The following MYT1L variants were observed in gnomAD, a reference collection of about 807,000 sequenced individuals.
The protein encoded by MYT1L is myelin transcription factor 1 like.
In MYT1L, 12 loss-of-function variants were observed where a neutral mutation model predicts 126.7. That is an observed-to-expected ratio of 0.09 (90% CI 0.06 to 0.15). The LOEUF is 0.15. MYT1L is among the 10% of genes least tolerant of loss of function. The probability of loss-of-function intolerance (pLI) is 1.00; values close to 1 mark genes in which losing one functional copy is unlikely to be tolerated. For synonymous variants in MYT1L, 541 were observed against 604.2 expected (o/e 0.90, Z 1.53); for missense variants, 979 against 1,585.2 (o/e 0.62, Z 6.49).
In MYT1L at chr2:2,006,822, C is replaced by T. The variant is rs1835887; in HGVS notation, c.-157-9475G>A. ...AAGTCCTGAGCTCAAATGATCCACC[C>T]CCTTCAGCCTCCCAAAGTGCTGGGA... On this transcript the variant is annotated intron_variant, in intron 4 of 24. Coordinates refer to ENST00000647738, the MANE Select transcript of MYT1L (RefSeq NM_001303052.2). Among the ~76,000 whole-genome samples the T allele has an allele frequency of 5.4e-3, 815 of 152,092 alleles. 4 individuals are homozygous for T. Among genetic ancestry groups the T allele is most frequent in the African/African-American group, 0.019 (773 of 41,478 alleles).
chr2:1,818,887 G>A (rs889401227), intron 21 of MYT1L, among the ~76,000 whole-genome samples: 4 of 152,190 alleles, frequency 2.6e-5, no homozygotes, highest in African/African-American at 4.8e-5. Flanking sequence ...AGAGGGAAGC[G>A]TTTCTAGAAC....
chr2:2,085,193 T>C (rs2076234834), intron 3 of MYT1L, among the ~76,000 whole-genome samples: 1 of 152,202 alleles, frequency 6.6e-6, no homozygotes, highest in Non-Finnish European at 1.5e-5. Flanking sequence ...ACTGGAGCTG[T>C]CTGCATGCCT....
chr2:2,068,198 A>T (rs981818687), intron 3 of MYT1L, among the ~76,000 whole-genome samples: 1 of 152,102 alleles, frequency 6.6e-6, no homozygotes, highest in South Asian at 2.1e-4. Flanking sequence ...CCCAGGGAGA[A>T]TGTGGGGATG....
At chr2:2,004,422 CTTTCCTGCATGCG>C in intron 4 of MYT1L, among the ~76,000 whole-genome samples, 1 of 149,798 alleles carries the variant, frequency 6.7e-6, no homozygotes, top group African/African-American at 2.5e-5. Flanking sequence ...TGCATGCGTT[CTTTCCTGCATGCG>C]TTCTTTCCTG....
chr2:2,328,728 A>G (rs2096266901), intron 1 of MYT1L, among the ~76,000 whole-genome samples: 1 of 152,220 alleles, frequency 6.6e-6, no homozygotes, highest in Admixed American at 6.5e-5. Context: ...TCCAGTTGAA[A>G]AGTAATAATG....
intron 2 of MYT1L, among the ~76,000 whole-genome samples, chr2:2,193,294 C>T (rs1432290274): frequency 6.6e-6 from 1 of 152,130 alleles, no homozygotes; most frequent in Non-Finnish European, 1.5e-5. Context: ...GATATAAAGT[C>T]AGTGTCTGGA....
chr2:1,839,108 G>T, intron 21 of MYT1L, 41 bp downstream of exon 21: 6 of 1,546,546 alleles, frequency 3.9e-6, no homozygotes, highest in Non-Finnish European at 5.3e-6. Flanking sequence ...GGCTCTCGGC[G>T]GCACCATCCC....
At chr2:2,278,817 GT>G in intron 2 of MYT1L, among the ~76,000 whole-genome samples, 1 of 152,292 alleles carries the variant, frequency 6.6e-6, no homozygotes. Flanking sequence ...TAGGACAGTG[GT>G]GAACTATGAA....
chr2:2,058,813 T>C (rs796772119), intron 3 of MYT1L, among the ~76,000 whole-genome samples: 1 of 152,324 alleles, frequency 6.6e-6, no homozygotes, highest in African/African-American at 2.4e-5. Context: ...TTCTCTTACT[T>C]CAGAGATGAG....
At chr2:2,148,114 C>T (rs2085171151) in intron 3 of MYT1L, among the ~76,000 whole-genome samples, 1 of 152,174 alleles carries the variant, frequency 6.6e-6, no homozygotes, top group Non-Finnish European at 1.5e-5. Flanking sequence ...GTTCCATTTC[C>T]CTGGTGCCCG....
chr2:1,958,236 C>T (rs1418681817), intron 8 of MYT1L, among the ~76,000 whole-genome samples: 2 of 151,546 alleles, frequency 1.3e-5, no homozygotes, highest in South Asian at 2.1e-4. Flanking sequence ...GGAACCCAGA[C>T]AGCTGGAGGA....
chr2:1,887,678 C>T lies in MYT1L; in HGVS notation c.2521-69G>A, dbSNP rs1476766704. 1.1e-5 allele frequency: 17 copies of T among 1,606,058 alleles called. No homozygotes were observed. Among genetic ancestry groups the T allele is most frequent in the Middle Eastern group, 1.7e-4 (1 of 5,834 alleles). On this transcript the variant is annotated intron_variant, in intron 16 of 24. Coordinates refer to ENST00000647738, the MANE Select transcript of MYT1L (RefSeq NM_001303052.2). This position sits in a 1 kb window ranked among gnomAD's most constrained non-coding sequence, Gnocchi z 4.8. ...GGCACACAGACTGAGGGAGGTGGTT[C>T]GTGGCTCTGGGGTGGCCTCTACATC...
At chr2:2,189,601 AAAGC>A (rs1328059866) in intron 2 of MYT1L, among the ~76,000 whole-genome samples, 14 of 152,230 alleles carry the variant, frequency 9.2e-5, no homozygotes, top group African/African-American at 3.4e-4. Flanking sequence ...TAATAACTAA[AAAGC>A]AAATAATGTT....
intron 5 of MYT1L, among the ~76,000 whole-genome samples, chr2:1,980,407 G>A (rs1574191287): frequency 6.6e-6 from 1 of 151,466 alleles, no homozygotes; most frequent in East Asian, 1.9e-4. Flanking sequence ...ACAAGAGGCT[G>A]TAGGTACAGT....
chr2:1,985,841 G>A (rs1338272819), intron 5 of MYT1L, among the ~76,000 whole-genome samples: 1 of 152,186 alleles, frequency 6.6e-6, no homozygotes, highest in Non-Finnish European at 1.5e-5. Context: ...GACCACCCAG[G>A]ATAGCACTAA....
Position 2,012,977 on chromosome 2 carries a change from T to C in MYT1L, c.-157-15630A>G, listed in dbSNP as rs112984218. Among the ~76,000 whole-genome samples the C allele has an allele frequency of 7.9e-5, 12 of 152,286 alleles. No individual in the cohort carries two copies. The South Asian group carries it at 1.2e-3, about 16-fold the overall frequency. ...TGTAAATTAAACTTTACCGCAAATA[T>C]GTGTGTATGTGAAAAAACATAGTAT... On this transcript the variant is annotated intron_variant, in intron 4 of 24. Transcript: ENST00000647738.
At position 1,894,625 on chromosome 2, in the gene MYT1L, A is replaced by AT. The variant is rs1476254887; in HGVS notation, c.2033-2339_2033-2338insA. Among the ~76,000 whole-genome samples, 3 of 152,114 alleles carry AT rather than the reference A, an allele frequency of 2.0e-5. No homozygotes were observed. In the East Asian group the frequency reaches 5.8e-4, roughly 29 times the overall value. On this transcript the variant is annotated intron_variant, in intron 14 of 24. Coordinates refer to ENST00000647738, the MANE Select transcript of MYT1L (RefSeq NM_001303052.2). ...AACATTGCCCACATAAATTAAAAAAAATAACACTTTTGTTTTGAAATGAGG... is the reference window on the plus strand; with the variant it reads ...AACATTGCCCACATAAATTAAAAAAATATAACACTTTTGTTTTGAAATGAGG...
At chr2:2,141,508 T>TG (rs2083971046) in intron 3 of MYT1L, among the ~76,000 whole-genome samples, 1 of 152,212 alleles carries the variant, frequency 6.6e-6, no homozygotes, top group South Asian at 2.1e-4. Flanking sequence ...GTCAGATTTC[T>TG]GGGCCTGAGT....
rs377158982 is a variant in MYT1L, at chr2:1,943,297, G to C, written c.190C>G (p.Gln64Glu). Residue 64 changes from glutamine (Q) to glutamate (E), a missense_variant, in exon 9 of 25, where the codon CAA (glutamine) becomes GAA (glutamate). Coordinates refer to ENST00000647738, the MANE Select transcript of MYT1L (RefSeq NM_001303052.2). This position sits in a 1 kb window ranked among gnomAD's most constrained non-coding sequence, Gnocchi z 4.4. ...GCAGGTTCCTGGGGCTGTTTATCTT[G>C]TGTTTTTCTTTTTTTCGCCAAGGGA... ...GCPLAKKRKTQDKQPQEPAPK... is the reference protein window; with the variant it reads ...GCPLAKKRKTEDKQPQEPAPK... The C allele has an allele frequency of 2.3e-5, 36 of 1,571,860 alleles. No homozygotes were observed. Among genetic ancestry groups the C allele is most frequent in the East Asian group, 1.4e-4 (6 of 43,130 alleles).
Sources: allele counts gnomAD v4.1 joint callset (sites outside exome capture counted in the v4.1 genomes callset), GRCh38; gene constraint gnomAD v4.1.1; non-coding constraint Gnocchi (gnomAD v3.1); transcripts MANE v1.5; gene names NCBI Gene and HGNC (gene_info 2026-07-23, HGNC 2026-07-21).